ANKRD44: variants seen among roughly 807,000 people sequenced by gnomAD.
ANKRD44 encodes the protein ankyrin repeat domain 44.
ANKRD44 carries 35 observed loss-of-function variants against 116.0 expected under a neutral mutation model. That is an observed-to-expected ratio of 0.30 (90% CI 0.23 to 0.40). The LOEUF is 0.40. ANKRD44 is among the 10% of genes least tolerant of loss of function. The pLI is 1.00. For synonymous variants in ANKRD44, 435 were observed against 461.8 expected, an observed-to-expected ratio of 0.94 and a Z score of 0.74; for missense variants, 1,014 against 1,242.6, an observed-to-expected ratio of 0.82 and a Z score of 2.77.
At chr2:197,156,773 T>C (rs2079826950) in intron 2 of ANKRD44, among the ~76,000 whole-genome samples, 1 of 152,176 alleles carries the variant, frequency 6.6e-6, no homozygotes, top group African/African-American at 2.4e-5. Context: ...TTAAAAGGAA[T>C]GAACTATGGA....
intron 1 of ANKRD44, among the ~76,000 whole-genome samples, chr2:197,309,945 C>A (rs935090500): frequency 6.6e-6 from 1 of 152,124 alleles, no homozygotes; most frequent in African/African-American, 2.4e-5. Flanking sequence ...CGTAGCCCAC[C>A]GCCTGTGAGT....
intron 9 of ANKRD44, among the ~76,000 whole-genome samples, chr2:197,101,297 G>A (rs1417742123): frequency 2.6e-5 from 4 of 151,944 alleles, no homozygotes; most frequent in East Asian, 1.9e-4. Context: ...TGTGTTGGAC[G>A]CTCTACATTC....
intron 2 of ANKRD44, among the ~76,000 whole-genome samples, chr2:197,179,354 G>A (rs11900623): frequency 0.29 from 43,778 of 151,776 alleles, 7,076 homozygotes; most frequent in African/African-American, 0.43. Flanking sequence ...CCACCAAATC[G>A]CCCTGAATTT....
intron 16 of ANKRD44, among the ~76,000 whole-genome samples, chr2:197,034,049 C>CGAGA (rs1491563139): frequency 7.5e-5 from 1 of 13,252 alleles, no homozygotes; most frequent in Non-Finnish European, 2.0e-4. Context: ...CATATGAGGG[C>CGAGA]TAGAGAGAGA....
chr2:197,197,827 A>AAAAAAAAAG (rs1553528679), intron 1 of ANKRD44, among the ~76,000 whole-genome samples: 1 of 45,158 alleles, frequency 2.2e-5, no homozygotes, highest in Non-Finnish European at 8.2e-5. Flanking sequence ...AAAAAAAAAA[A>AAAAAAAAAG]AAAGAAAGAA....
intron 17 of ANKRD44, among the ~76,000 whole-genome samples, chr2:197,014,794 A>C (rs2076359947): frequency 6.6e-6 from 1 of 151,890 alleles, no homozygotes; most frequent in South Asian, 2.1e-4. Context: ...CAAAAAAAAA[A>C]ACAACAAAAA....
chr2:197,031,980 G>A (rs146789355), intron 16 of ANKRD44, among the ~76,000 whole-genome samples: 12 of 152,186 alleles, frequency 7.9e-5, no homozygotes, highest in African/African-American at 2.9e-4. Flanking sequence ...ATTATCACCT[G>A]CAAGACTTCC....
intron 1 of ANKRD44, among the ~76,000 whole-genome samples, chr2:197,257,819 A>G (rs1293228090): frequency 6.6e-6 from 1 of 152,170 alleles, no homozygotes; most frequent in Non-Finnish European, 1.5e-5. Context: ...TACAACCATT[A>G]CCATCATTCA....
intron 1 of ANKRD44, 65 bp downstream of exon 1, chr2:197,310,513 C>A: frequency 1.0e-6 from 1 of 994,658 alleles, no homozygotes; most frequent in Non-Finnish European, 1.2e-6. Flanking sequence ...CGCCCCCATC[C>A]CCCCGCCGGG....
In ANKRD44 at chr2:197,086,768, A is replaced by T. The variant is rs759807606; in HGVS notation, c.1248-20T>A. 5.6e-6 allele frequency: 9 copies of T among 1,610,656 alleles called. No homozygotes were observed. Among genetic ancestry groups the T allele is most frequent in the Non-Finnish European group, 7.6e-6 (9 of 1,177,506 alleles). On this transcript the variant is annotated intron_variant, in intron 12 of 27. Transcript: ENST00000282272. ...ACATTACTAGAAAGACAGGGAAAAC[A>T]TCATTAAGATGGAAGAGATCAATTA...
At chr2:197,078,595 T>G (rs1007255593) in intron 16 of ANKRD44, 108 bp downstream of exon 16, 1 of 1,535,682 alleles carries the variant, frequency 6.5e-7, no homozygotes, top group Non-Finnish European at 8.8e-7. Flanking sequence ...ATGGACCCAC[T>G]TTTTACACAA....
chr2:197,059,172 A>T (rs1231819940), intron 16 of ANKRD44, among the ~76,000 whole-genome samples: 1 of 152,188 alleles, frequency 6.6e-6, no homozygotes, highest in African/African-American at 2.4e-5. Context: ...GGCATGTAGC[A>T]GCTGAGGGAC....
At chr2:197,229,107 C>G (rs1427838542) in intron 1 of ANKRD44, among the ~76,000 whole-genome samples, 2 of 152,188 alleles carry the variant, frequency 1.3e-5, no homozygotes, top group Non-Finnish European at 2.9e-5. Flanking sequence ...AATCACTGAT[C>G]CTACTGATGT....
chr2:197,046,201 T>A (rs945262663), intron 16 of ANKRD44, among the ~76,000 whole-genome samples: 1 of 152,186 alleles, frequency 6.6e-6, no homozygotes, highest in Non-Finnish European at 1.5e-5. Context: ...GTCCCCTTTT[T>A]GGTATTATTA....
intron 2 of ANKRD44, chr2:197,147,787 T>C (rs2079543201): frequency 2.4e-6 from 1 of 417,788 alleles, no homozygotes; most frequent in South Asian, 1.7e-5. Flanking sequence ...TAAAACACCG[T>C]ATGGGATTAA....
At chr2:197,087,300 G>A (rs2077947796) in intron 12 of ANKRD44, among the ~76,000 whole-genome samples, 1 of 152,202 alleles carries the variant, frequency 6.6e-6, no homozygotes, top group African/African-American at 2.4e-5. Flanking sequence ...TGAAAATGAT[G>A]TCATGGAGCA....
At chr2:197,184,705 G>A (rs1036191580) in intron 2 of ANKRD44, among the ~76,000 whole-genome samples, 13 of 151,570 alleles carry the variant, frequency 8.6e-5, no homozygotes, top group African/African-American at 3.2e-4. Flanking sequence ...CCTTTGGGGT[G>A]GCAGGACTGC....
chr2:197,299,612 A>G (rs1236398028), intron 1 of ANKRD44: 1 of 152,230 alleles, frequency 6.6e-6, no homozygotes, highest in African/African-American at 2.4e-5. Flanking sequence ...GTTCTCACTC[A>G]TTAGTAGGAG....
chr2:197,062,536 C>T (rs1050195635), intron 16 of ANKRD44, among the ~76,000 whole-genome samples: 6 of 152,226 alleles, frequency 3.9e-5, no homozygotes, highest in East Asian at 3.9e-4. Context: ...GGCGAGGCAT[C>T]GCCTCACCCG....
Sources: allele counts gnomAD v4.1 joint callset (sites outside exome capture counted in the v4.1 genomes callset), GRCh38; gene constraint gnomAD v4.1.1; transcripts MANE v1.5; gene names NCBI Gene and HGNC (gene_info 2026-07-23, HGNC 2026-07-21).